Variants in EMC1 observed in about 807,000 individuals in gnomAD.
EMC1 encodes the protein ER membrane protein complex subunit 1.
A neutral mutation model predicts 128.8 loss-of-function variants in EMC1; 103 were observed. That is an observed-to-expected ratio of 0.80 (90% confidence interval 0.68 to 0.94). The LOEUF is 0.94. EMC1 is among the 40% of genes least tolerant of loss of function. EMC1 has a pLI of 0.00. For missense variants in EMC1, 1,083 were observed against 1,250.6 expected (o/e 0.87, Z 2.02); for synonymous variants, 442 against 490.4 (o/e 0.90, Z 1.30).
In EMC1 at chr1:19,223,464, T is replaced by C; in HGVS notation, c.2308A>G (p.Ile770Val). ...FLIDGVTGRI[I>V]HSSVQKKAKG... ...GCTTTCTTCTGCACAGAGGAGTGAATGATACGCCCAGTGACGCCATCAATG... is the reference window on the plus strand; with the variant it reads ...GCTTTCTTCTGCACAGAGGAGTGAACGATACGCCCAGTGACGCCATCAATG... Residue 770 changes from isoleucine to valine, a missense_variant, in exon 19 of 23, where the codon ATT becomes GTT. This residue lies in a region of EMC1 where 527 missense variants were observed against 644.1 expected (regional missense o/e 0.82). Coordinates refer to ENST00000477853, the MANE Select transcript of EMC1 (RefSeq NM_015047.3). 1 of 1,614,156 alleles carries C rather than the reference T, an allele frequency of 6.2e-7. No homozygotes were observed. The highest frequency in any genetic ancestry group is 8.5e-7 in the Non-Finnish European group (1 of 1,180,040).
At chr1:19,223,294 G>T in intron 19 of EMC1, 102 bp downstream of exon 19, 2 of 1,089,888 alleles carry the variant, frequency 1.8e-6, no homozygotes, top group South Asian at 1.5e-5. Context: ...CAGGGAATTT[G>T]AGATCCTAAG....
At position 19,243,932 on chromosome 1, in the gene EMC1, C is replaced by A. The variant is rs2294944; in HGVS notation, c.286+18G>T. ...GGGAGCTGGCCGCACAATGGAGACA[C>A]GGGAGGACTCTGCTTACCCTGTCCG... On this transcript the variant is annotated intron_variant, in intron 3 of 22. Coordinates refer to ENST00000477853, the MANE Select transcript of EMC1 (RefSeq NM_015047.3). 1,193 of 1,613,266 alleles carry A rather than the reference C, an allele frequency of 7.4e-4. No individual in the cohort carries two copies. The highest frequency in any genetic ancestry group is 1.7e-3 in the Middle Eastern group (10 of 6,024).
At chr1:19,250,674 C>T (rs1270105243) in intron 1 of EMC1, among the ~76,000 whole-genome samples, 3 of 152,106 alleles carry the variant, frequency 2.0e-5, no homozygotes, top group Non-Finnish European at 2.9e-5. Flanking sequence ...AGGCATTGTG[C>T]TAAGTAATTT....
chr1:19,247,190 A>G (rs1283075572), intron 1 of EMC1, among the ~76,000 whole-genome samples: 1 of 152,202 alleles, frequency 6.6e-6, no homozygotes, highest in Non-Finnish European at 1.5e-5. Flanking sequence ...GAAAACTAAT[A>G]CAACCACCAC....
At chr1:19,220,639 G>GC in intron 21 of EMC1, 125 bp downstream of exon 21, 1 of 643,770 alleles carries the variant, frequency 1.6e-6, no homozygotes, top group Non-Finnish European at 2.6e-6. Flanking sequence ...TTTCAGACTT[G>GC]CCCCCTGCTA....
rs2093515651 is a variant in EMC1 at position 19,230,841 on chromosome 1, T to C, written c.2064+3A>G. 2 of 1,613,180 alleles carry C rather than the reference T, an allele frequency of 1.2e-6. No homozygotes were observed. The highest frequency in any genetic ancestry group is 1.1e-5 in the South Asian group (1 of 91,056). On this transcript the variant is annotated splice_donor_region_variant and intron_variant, in intron 17 of 22. Transcript: ENST00000477853. The stretch of plus-strand genomic sequence containing the variant: ...AGGGTTGTGCCAGGACATGCCTTCC[T>C]ACCTTTCGAAGCCGATATCCACACA...
chr1:19,223,534 C>G lies in EMC1; in HGVS notation c.2238G>C (p.Glu746Asp), dbSNP rs1311042295. Residue 746 changes from glutamate to aspartate, a missense_variant, in exon 19 of 23, where the codon GAG (glutamate) becomes GAC (aspartate). Physicochemically the swap from Glu to Asp is conservative, Grantham distance 45. Transcript: ENST00000477853. The part of the protein sequence containing the change: ...LNPNLLAVVT[E>D]STDAHHERTF... ...TGCGCTCATGGTGCGCGTCTGTGCT[C>G]TCTGTCACCACGGCCAGCAGGTTGG... is the stretch of plus-strand genomic sequence containing the variant. The G allele has an allele frequency of 1.2e-6, 2 of 1,614,146 alleles. No homozygotes were observed. Among genetic ancestry groups the G allele is most frequent in the South Asian group, 2.2e-5 (2 of 91,082 alleles).
chr1:19,249,013 C>A (rs2151967522), intron 1 of EMC1, among the ~76,000 whole-genome samples: 1 of 151,992 alleles, frequency 6.6e-6, no homozygotes, highest in South Asian at 2.1e-4. Flanking sequence ...GGGAACATAG[C>A]AAGATCCCAT....
chr1:19,251,395 T>A lies in EMC1; in HGVS notation c.95+20A>T. 6.2e-7 allele frequency: 1 copy of A among 1,609,136 alleles called. No individual in the cohort carries two copies. Among genetic ancestry groups the A allele is most frequent in the South Asian group, 1.1e-5 (1 of 90,998 alleles). On this transcript the variant is annotated intron_variant, in intron 1 of 22. Coordinates refer to ENST00000477853, the MANE Select transcript of EMC1 (RefSeq NM_015047.3). The stretch of plus-strand genomic sequence containing the variant: ...GGGAAACAGCCACTTATCTCTCGAA[T>A]ATGTTCCACACGTACGCACCAATCA...
At chr1:19,250,267 T>TC (rs989548432) in intron 1 of EMC1, among the ~76,000 whole-genome samples, 1 of 142,976 alleles carries the variant, frequency 7.0e-6, no homozygotes, top group Non-Finnish European at 1.5e-5. Flanking sequence ...AGAGTCCTTT[T>TC]CCCCCCTCAT....
intron 18 of EMC1, among the ~76,000 whole-genome samples, chr1:19,224,919 C>T (rs1558093894): frequency 6.6e-6 from 1 of 152,168 alleles, no homozygotes; most frequent in Non-Finnish European, 1.5e-5. Flanking sequence ...GGAAGGCTCT[C>T]CCCGCAGCTA....
Position 19,223,386 on chromosome 1 carries a change from G to T in EMC1, c.2376+10C>A. On this transcript the variant is annotated intron_variant, in intron 19 of 22. Transcript: ENST00000477853. The stretch of plus-strand genomic sequence containing the variant: ...GGAGCTACCTTGGGTCCCTGGTAGT[G>T]ACCGCTTACCACCACCCAGTTCTCT... The T allele has an allele frequency of 6.2e-7, 1 of 1,612,008 alleles. No homozygotes were observed. The highest frequency in any genetic ancestry group is 1.1e-5 in the South Asian group (1 of 90,958).
Position 19,228,487 on chromosome 1 carries a change from G to C in EMC1, c.2065-1037C>G, listed in dbSNP as rs377084788. Among the ~76,000 whole-genome samples the C allele has an allele frequency of 1.6e-4, 24 of 152,154 alleles. No homozygotes were observed. The East Asian group carries it at 2.5e-3, about 16-fold the overall frequency. ...CCTATGGAATTATGCGGAGCCCTTG[G>C]GGGTGGAGACAGGAGGTAGTTACTG... On this transcript the variant is annotated intron_variant, in intron 17 of 22. Transcript: ENST00000477853.
At chr1:19,231,118 C>A in intron 16 of EMC1, 143 bp downstream of exon 16, 1 of 1,302,694 alleles carries the variant, frequency 7.7e-7, no homozygotes, top group Non-Finnish European at 1.1e-6. Flanking sequence ...GCAGACACAG[C>A]CATCATTTCT....
At chr1:19,235,001 G>A in intron 13 of EMC1, 129 bp downstream of exon 13, 1 of 1,032,520 alleles carries the variant, frequency 9.7e-7, no homozygotes, top group Non-Finnish European at 1.4e-6. Context: ...TCATCACAGA[G>A]CTCATTCAGA....
Position 19,230,926 on chromosome 1 carries a change from T to A in EMC1, c.1982A>T (p.Gln661Leu). 2 of 1,614,188 alleles carry A rather than the reference T, an allele frequency of 1.2e-6. No individual in the cohort carries two copies. The highest frequency in any genetic ancestry group is 2.2e-5 in the South Asian group (2 of 91,078). The stretch of plus-strand genomic sequence containing the variant: ...GATGGAAGGGGCAAGCTCATGTAGC[T>A]GTCGCAAGACATTCCGAGTGGCTGG... ...AFPATRNVLRQLHELAPSIFF... is the reference protein window; with the variant it reads ...AFPATRNVLRLLHELAPSIFF... Residue 661 changes from glutamine (Q) to leucine (L), a missense_variant, in exon 17 of 23, where the codon CAG (glutamine) becomes CTG (leucine). Around this residue, in one of 3 missense-constraint regions of EMC1, gnomAD observed 527 missense variants for 644.1 expected, o/e 0.82. Coordinates refer to ENST00000477853, the MANE Select transcript of EMC1 (RefSeq NM_015047.3).
intron 18 of EMC1, 126 bp from the exon 19 acceptor site, chr1:19,223,695 CT>C (rs2093449522): frequency 1.2e-6 from 1 of 823,026 alleles, no homozygotes; most frequent in African/African-American, 1.7e-5. Flanking sequence ...GTGAAAAGAG[CT>C]TCCTGTTTGG....
At position 19,223,389 on chromosome 1, in the gene EMC1, C is replaced by A. The variant is rs376119343; in HGVS notation, c.2376+7G>T. The A allele has an allele frequency of 1.9e-6, 3 of 1,612,522 alleles. No individual in the cohort carries two copies. The highest frequency in any genetic ancestry group is 2.5e-6 in the Non-Finnish European group (3 of 1,178,708). Reference sequence around the variant, plus strand: ...GCTACCTTGGGTCCCTGGTAGTGACCGCTTACCACCACCCAGTTCTCTGAA... The same window carrying A: ...GCTACCTTGGGTCCCTGGTAGTGACAGCTTACCACCACCCAGTTCTCTGAA... On this transcript the variant is annotated splice_region_variant and intron_variant, in intron 19 of 22. Coordinates refer to ENST00000477853, the MANE Select transcript of EMC1 (RefSeq NM_015047.3).
intron 1 of EMC1, 117 bp downstream of exon 1, chr1:19,251,298 G>C: frequency 1.0e-6 from 1 of 962,686 alleles, no homozygotes; most frequent in South Asian, 1.4e-5. Flanking sequence ...TTTTCATTTT[G>C]TACTGGGTCC....
Sources: allele counts gnomAD v4.1 joint callset (sites outside exome capture counted in the v4.1 genomes callset), GRCh38; gene constraint gnomAD v4.1.1; regional missense constraint gnomAD v4.1.1; transcripts MANE v1.5; gene names NCBI Gene and HGNC (gene_info 2026-07-23, HGNC 2026-07-21).